Variants in SHISA9 observed in about 807,000 individuals in gnomAD.
The protein encoded by SHISA9 is shisa family member 9.
Under a neutral mutation model 38.0 loss-of-function variants are expected in SHISA9, and 13 were observed. The observed-to-expected ratio is 0.34, with a 90% CI of 0.22 to 0.54. The LOEUF (loss-of-function observed/expected upper bound fraction) is 0.54. SHISA9 is among the 20% of genes least tolerant of loss of function. The pLI is 0.91. For missense variants in SHISA9, 538 were observed against 575.8 expected, an observed-to-expected ratio of 0.93 and a Z score of 0.67; for synonymous variants, 275 against 242.0, an observed-to-expected ratio of 1.14 and a Z score of -1.27.
At chr16:13,481,123 C>T in the SHISA9 span, among the ~76,000 whole-genome samples, 1 of 152,184 alleles carries the variant, frequency 6.6e-6, no homozygotes, top group Non-Finnish European at 1.5e-5. Context: ...AAGCCTCAAA[C>T]CTTTGCAATT....
the SHISA9 span, among the ~76,000 whole-genome samples, chr16:13,413,965 C>T: frequency 6.6e-6 from 1 of 152,116 alleles, no homozygotes; most frequent in African/African-American, 2.4e-5. Flanking sequence ...GTAGCAATGG[C>T]TGGAACCAAT....
chr16:12,917,909 G>T (rs7193272), intron 2 of SHISA9, among the ~76,000 whole-genome samples: 7 of 151,970 alleles, frequency 4.6e-5, no homozygotes, highest in Admixed American at 1.3e-4. Flanking sequence ...CTTATGCTCA[G>T]TGGGTAGAGG....
intron 2 of SHISA9, among the ~76,000 whole-genome samples, chr16:12,944,377 C>G (rs557738617): frequency 6.6e-6 from 1 of 152,370 alleles, no homozygotes; most frequent in Non-Finnish European, 1.5e-5. Flanking sequence ...TCATCACCCT[C>G]TCTCAGGTAC....
the SHISA9 span, among the ~76,000 whole-genome samples, chr16:13,557,880 A>C: frequency 6.6e-6 from 1 of 151,976 alleles, no homozygotes; most frequent in Non-Finnish European, 1.5e-5. Context: ...CTCCTCAAAC[A>C]TGAAAACACA....
intron 2 of SHISA9, among the ~76,000 whole-genome samples, chr16:12,976,904 TAGAA>T (rs1282945163): frequency 6.6e-6 from 1 of 152,152 alleles, no homozygotes; most frequent in Non-Finnish European, 1.5e-5. Flanking sequence ...GGGCAGCTTT[TAGAA>T]AGAAGTGGCA....
the SHISA9 span, among the ~76,000 whole-genome samples, chr16:13,522,473 G>T: frequency 1.3e-5 from 2 of 151,936 alleles, no homozygotes; most frequent in African/African-American, 4.8e-5. Flanking sequence ...GACCTCATTT[G>T]CTTCCTCGAC....
chr16:13,100,702 G>T (rs934682417), intron 2 of SHISA9, among the ~76,000 whole-genome samples: 8 of 152,130 alleles, frequency 5.3e-5, no homozygotes, highest in African/African-American at 1.9e-4. Flanking sequence ...GCTTCTACGA[G>T]TTTGGCTATT....
chr16:13,476,736 G>GTTTTT, the SHISA9 span, among the ~76,000 whole-genome samples: 1 of 83,928 alleles, frequency 1.2e-5, no homozygotes, highest in Non-Finnish European at 2.5e-5. Flanking sequence ...CGCCTGTTTT[G>GTTTTT]TGTTTTTTTT....
At chr16:13,071,840 T>C (rs2073522779) in intron 2 of SHISA9, among the ~76,000 whole-genome samples, 1 of 151,964 alleles carries the variant, frequency 6.6e-6, no homozygotes, top group Non-Finnish European at 1.5e-5. Context: ...GAGAAAGGGT[T>C]TCACTATGTT....
chr16:13,397,908 A>G, the SHISA9 span, among the ~76,000 whole-genome samples: 7 of 152,206 alleles, frequency 4.6e-5, no homozygotes, highest in East Asian at 1.4e-3. Flanking sequence ...GGTTTAATTG[A>G]GTGGAAGTAG....
At chr16:13,018,179 C>T (rs1302643809) in intron 2 of SHISA9, among the ~76,000 whole-genome samples, 2 of 152,200 alleles carry the variant, frequency 1.3e-5, no homozygotes, top group Admixed American at 1.3e-4. Context: ...GTTTTGGATA[C>T]ATTCTCCATC....
At chr16:13,260,013 T>TC in the SHISA9 span, among the ~76,000 whole-genome samples, 2 of 104,596 alleles carry the variant, frequency 1.9e-5, no homozygotes, top group Non-Finnish European at 2.0e-5. Flanking sequence ...CTTTCTTTTT[T>TC]TTTTTTTTTT....
intron 2 of SHISA9, among the ~76,000 whole-genome samples, chr16:12,934,705 T>G (rs1316245343): frequency 6.6e-6 from 1 of 152,164 alleles, no homozygotes; most frequent in Non-Finnish European, 1.5e-5. Context: ...CCAAGCCCCT[T>G]TAAAATCGCT....
chr16:13,091,799 C>G (rs2073777912), intron 2 of SHISA9, among the ~76,000 whole-genome samples: 1 of 152,228 alleles, frequency 6.6e-6, no homozygotes, highest in African/African-American at 2.4e-5. Flanking sequence ...AAGCCTACTT[C>G]TGTCAACTTG....
chr16:12,994,078 A>G (rs1023344006), intron 2 of SHISA9, among the ~76,000 whole-genome samples: 1 of 152,212 alleles, frequency 6.6e-6, no homozygotes, highest in African/African-American at 2.4e-5. Context: ...GTAAGGTTTT[A>G]CAGATCAGGA....
At chr16:13,075,608 G>A (rs1433494040) in intron 2 of SHISA9, among the ~76,000 whole-genome samples, 1 of 152,128 alleles carries the variant, frequency 6.6e-6, no homozygotes, top group Admixed American at 6.5e-5. Context: ...GAGCAGGAGC[G>A]GCCCATTCCA....
At chr16:12,911,237 C>G (rs1234161452) in intron 1 of SHISA9, 10 of 983,336 alleles carry the variant, frequency 1.0e-5, no homozygotes, top group Non-Finnish European at 1.2e-5. Context: ...AACAAGATCC[C>G]CAGGTGATCT....
intron 2 of SHISA9, among the ~76,000 whole-genome samples, chr16:13,054,939 T>C (rs1460567116): frequency 6.6e-6 from 1 of 152,238 alleles, no homozygotes; most frequent in African/African-American, 2.4e-5. Context: ...TTACTTGTCC[T>C]TCAAATTTCT....
the SHISA9 span, among the ~76,000 whole-genome samples, chr16:13,456,747 C>T: frequency 1.3e-5 from 2 of 152,240 alleles, no homozygotes; most frequent in Non-Finnish European, 2.9e-5. Context: ...TCAACTCTAA[C>T]TCTGAAGAAG....
Sources: gnomAD v4.1 joint callset for allele counts (sites outside exome capture counted in the v4.1 genomes callset) on GRCh38, gnomAD v4.1.1 for gene constraint, MANE v1.5 for transcripts, NCBI Gene and HGNC (gene_info 2026-07-23, HGNC 2026-07-21) for gene names.